ZNF503: variants seen among roughly 807,000 people sequenced by gnomAD.
The protein encoded by ZNF503 is zinc finger protein 503.
In ZNF503, 15 loss-of-function variants were observed where a neutral mutation model predicts 34.4. That is an observed-to-expected ratio of 0.44 (90% CI 0.29 to 0.67). The LOEUF (loss-of-function observed/expected upper bound fraction) is 0.67. Ranked by LOEUF, ZNF503 falls within the 30% of genes least tolerant of loss-of-function variation. ZNF503 has a pLI of 0.13. For missense variants in ZNF503, 1,007 were observed against 926.8 expected, an observed-to-expected ratio of 1.09 and a Z score of -1.12; for synonymous variants, 580 against 456.8, an observed-to-expected ratio of 1.27 and a Z score of -3.44.
chr10:75,399,721 G>A lies in ZNF503; in HGVS notation c.969C>T (p.Pro323=), dbSNP rs1318016146. The change falls in exon 2 of 2, where the codon CCC becomes CCT. Residue 323 remains proline, a synonymous_variant. Transcript: ENST00000372524. ...GSSGSSSGSG[P]SAPTSSSVLG... is the part of the protein sequence containing the mutation. ...ACACTGAGGAGGAGGTGGGCGCGCTGGGGCCGGAGCCGGAGCTGGAGCCCG... is the reference window on the plus strand; with the variant it reads ...ACACTGAGGAGGAGGTGGGCGCGCTAGGGCCGGAGCCGGAGCTGGAGCCCG... 19 of 1,597,564 alleles carry A rather than the reference G, an allele frequency of 1.2e-5. No homozygotes were observed. The highest frequency in any genetic ancestry group is 1.6e-5 in the Non-Finnish European group (19 of 1,177,486).
the ZNF503 span, among the ~76,000 whole-genome samples, chr10:75,383,021 C>A: frequency 6.6e-6 from 1 of 152,150 alleles, no homozygotes; most frequent in Non-Finnish European, 1.5e-5. Context: ...TGCCTTTCTT[C>A]CCCTAGGCTT....
the ZNF503 span, chr10:75,279,924 G>A: frequency 6.6e-6 from 1 of 152,156 alleles, no homozygotes; most frequent in African/African-American, 2.4e-5. Flanking sequence ...ATGCATGAGA[G>A]TTCTACCATT....
At chr10:75,300,228 A>G in the ZNF503 span, among the ~76,000 whole-genome samples, 1 of 152,240 alleles carries the variant, frequency 6.6e-6, no homozygotes, top group Non-Finnish European at 1.5e-5. Context: ...AAAGAAGAGA[A>G]ATATGGCTGT....
At chr10:75,380,947 G>T in the ZNF503 span, among the ~76,000 whole-genome samples, 5 of 152,118 alleles carry the variant, frequency 3.3e-5, no homozygotes, top group African/African-American at 1.2e-4. Flanking sequence ...CATGGCATTC[G>T]CGGGAATTAT....
the ZNF503 span, among the ~76,000 whole-genome samples, chr10:75,354,623 T>A: frequency 1.2e-3 from 186 of 152,078 alleles, no homozygotes; most frequent in African/African-American, 4.3e-3. Flanking sequence ...GGTGGGAGGA[T>A]CACTTGAGCC....
the ZNF503 span, among the ~76,000 whole-genome samples, chr10:75,381,406 T>C: frequency 6.6e-6 from 1 of 152,110 alleles, no homozygotes; most frequent in Non-Finnish European, 1.5e-5. Flanking sequence ...TTGGTAATTT[T>C]TGTAGAGATG....
the ZNF503 span, among the ~76,000 whole-genome samples, chr10:75,285,286 A>C: frequency 3.9e-5 from 6 of 152,232 alleles, no homozygotes; most frequent in African/African-American, 1.2e-4. Flanking sequence ...GGTAGTGAGA[A>C]ATTGAACCCA....
the ZNF503 span, among the ~76,000 whole-genome samples, chr10:75,300,387 T>A: frequency 6.6e-6 from 1 of 152,152 alleles, no homozygotes; most frequent in Non-Finnish European, 1.5e-5. Flanking sequence ...AACGCAATCA[T>A]CACAGGGTCC....
Position 75,401,354 on chromosome 10 carries a change from T to TCCG in ZNF503, c.63_65dup (p.Gly27dup), listed in dbSNP as rs760375543. The TCCG allele has an allele frequency of 1.9e-4, 295 of 1,516,828 alleles. No homozygotes were observed. Among genetic ancestry groups the TCCG allele is most frequent in the African/African-American group, 7.1e-4 (39 of 55,254 alleles). The allele number at this position is 1,516,828 out of a possible 1,614,324, so 94.0% of individuals were successfully genotyped here. A position where few individuals can be genotyped will look rare whatever the true frequency, so the allele number is the denominator to read the frequency against. On this transcript the variant is annotated inframe_insertion, in exon 1 of 2. Coordinates refer to ENST00000372524, the MANE Select transcript of ZNF503 (RefSeq NM_032772.6). ...CAGGGTCTGCACCGCCGCCTCCGCCTCCGCCGCCGCCGCCGCCGCTGTGCT... is the reference window on the plus strand; with the variant it reads ...CAGGGTCTGCACCGCCGCCTCCGCCTCCGCCGCCGCCGCCGCCGCCGCTGTGCT...
At chr10:75,400,873 A>G in intron 1 of ZNF503, 1 of 651,322 alleles carries the variant, frequency 1.5e-6, no homozygotes, top group East Asian at 2.8e-5. Flanking sequence ...GGGCTTTCAT[A>G]TCGAAAGGAG....
At chr10:75,307,909 T>C in the ZNF503 span, among the ~76,000 whole-genome samples, 1 of 151,768 alleles carries the variant, frequency 6.6e-6, no homozygotes, top group Non-Finnish European at 1.5e-5. Context: ...CAAGACCCCA[T>C]CTCTACAAAA....
At chr10:75,363,963 C>T in the ZNF503 span, among the ~76,000 whole-genome samples, 2 of 152,210 alleles carry the variant, frequency 1.3e-5, no homozygotes. Context: ...TGCTCCATGG[C>T]AGGTGGCACT....
the ZNF503 span, among the ~76,000 whole-genome samples, chr10:75,320,592 A>G: frequency 6.6e-6 from 1 of 152,164 alleles, no homozygotes; most frequent in Admixed American, 6.5e-5. Context: ...CCAAGATGGG[A>G]GGATCAGTTG....
chr10:75,280,641 G>A, the ZNF503 span, among the ~76,000 whole-genome samples: 3 of 151,464 alleles, frequency 2.0e-5, no homozygotes, highest in African/African-American at 4.8e-5. Flanking sequence ...TAAAACATAC[G>A]GTTATGGGGC....
the ZNF503 span, among the ~76,000 whole-genome samples, chr10:75,369,604 C>G: frequency 6.6e-6 from 1 of 152,214 alleles, no homozygotes; most frequent in Non-Finnish European, 1.5e-5. Flanking sequence ...TACAAATTAC[C>G]CAGTCTCAGG....
downstream of ZNF503, among the ~76,000 whole-genome samples, chr10:75,394,785 T>A (rs1843678661): frequency 6.6e-6 from 1 of 152,214 alleles, no homozygotes; most frequent in Non-Finnish European, 1.5e-5. Flanking sequence ...TTGACAGGCA[T>A]CTGCATTTGT....
At chr10:75,388,847 T>C in the ZNF503 span, among the ~76,000 whole-genome samples, 1 of 152,272 alleles carries the variant, frequency 6.6e-6, no homozygotes, top group Non-Finnish European at 1.5e-5. Context: ...CCAAAGGCCC[T>C]GCTTTTTTAT....
At chr10:75,369,960 G>A in the ZNF503 span, among the ~76,000 whole-genome samples, 3,764 of 152,002 alleles carry the variant, frequency 0.025, 144 homozygotes, top group African/African-American at 0.087. Flanking sequence ...CCAGCTACTC[G>A]GGAGGCTGAG....
chr10:75,318,734 A>C, the ZNF503 span, among the ~76,000 whole-genome samples: 2,833 of 152,228 alleles, frequency 0.019, 41 homozygotes, highest in Non-Finnish European at 0.027. Context: ...AAATAGCTAA[A>C]GGAATTTCTT....
Sources: gnomAD v4.1 joint callset for allele counts (sites outside exome capture counted in the v4.1 genomes callset) on GRCh38, gnomAD v4.1.1 for gene constraint, MANE v1.5 for transcripts, NCBI Gene and HGNC (gene_info 2026-07-23, HGNC 2026-07-21) for gene names.